The following ENGASE variants were observed in gnomAD, a reference collection of about 807,000 sequenced individuals.
ENGASE encodes cytosolic endo-beta-N-acetylglucosaminidase.
ENGASE carries 69 observed loss-of-function variants against 78.5 expected under a neutral mutation model. The ratio of observed to expected loss-of-function variants is 0.88; its 90% confidence interval spans 0.72 to 1.07. The LOEUF (loss-of-function observed/expected upper bound fraction) is 1.07. Among genes scored for constraint, ENGASE ranks in the 50% least tolerant of loss-of-function variants. ENGASE has a pLI of 0.00. For synonymous variants in ENGASE, 408 were observed against 408.9 expected (o/e 1.00, Z 0.03); for missense variants, 943 against 988.4 (o/e 0.95, Z 0.62).
chr17:79,081,186 A>G (rs2145988894), intron 6 of ENGASE, 113 bp downstream of exon 6: 1 of 1,276,738 alleles, frequency 7.8e-7, no homozygotes, highest in Non-Finnish European at 1.1e-6. Flanking sequence ...GGTGATGCAT[A>G]TATGACTGCA....
chr17:79,082,486 G>T (rs954843682), intron 7 of ENGASE: 145 of 1,204,078 alleles, frequency 1.2e-4, no homozygotes, highest in Non-Finnish European at 1.5e-4. Flanking sequence ...GGATCGGTAG[G>T]TGTCATGACG....
In ENGASE at chr17:79,079,587, C is replaced by T. The variant is rs148385630; in HGVS notation, c.515C>T (p.Pro172Leu). Residue 172 changes from proline (P) to leucine (L), a missense_variant, in exon 4 of 14, where the codon CCC (proline) becomes CTC (leucine). Pro to Leu is a moderately conservative substitution (Grantham distance 98). Transcript: ENST00000579016. Reference sequence around the variant, plus strand: ...TTCAGCCACCACACCGTCACCATTCCCCCAGTGGGCTGGACCAACACTGCC... The same window carrying T: ...TTCAGCCACCACACCGTCACCATTCTCCCAGTGGGCTGGACCAACACTGCC... ...VYFSHHTVTI[P>L]PVGWTNTAHR... The T allele has an allele frequency of 6.2e-7, 1 of 1,613,948 alleles. No individual in the cohort carries two copies. Among genetic ancestry groups the T allele is most frequent in the Non-Finnish European group, 8.5e-7 (1 of 1,180,016 alleles).
Position 79,081,039 on chromosome 17 carries a change from C to G in ENGASE, c.838C>G (p.Leu280Val). 1 of 1,600,832 alleles carries G rather than the reference C, an allele frequency of 6.2e-7. No homozygotes were observed. Among genetic ancestry groups the G allele is most frequent in the South Asian group, 1.1e-5 (1 of 90,800 alleles). The change falls in exon 6 of 14, where the codon CTC becomes GTC. Residue 280 changes from leucine to valine, a missense_variant. Physicochemically the swap from Leu to Val is conservative, Grantham distance 32. Coordinates refer to ENST00000579016, the MANE Select transcript of ENGASE (RefSeq NM_001042573.3). The stretch of plus-strand genomic sequence containing the variant: ...TGACAGCGTGGTGCAAAGTGGGCAG[C>G]TCAAATGGCAAGACGAACTCAACCA... ...WYDSVVQSGQ[L>V]KWQDELNQHN...
In ENGASE at chr17:79,082,322, C is replaced by T. The variant is rs1002891471; in HGVS notation, c.1038+259C>T. The T allele has an allele frequency of 2.7e-5, 37 of 1,360,108 alleles. No individual in the cohort carries two copies. The East Asian group carries it at 1.0e-3, about 38-fold the overall frequency. The allele number at this position is 1,360,108 out of a possible 1,614,324, so 84.3% of individuals were successfully genotyped here. The stretch of plus-strand genomic sequence containing the variant: ...TGTTACCAGACAGAGGCGCGTCGTT[C>T]CCCCGCTGTCCGGTCCTCGGCGGGC... On this transcript the variant is annotated intron_variant, in intron 7 of 13. Coordinates refer to ENST00000579016, the MANE Select transcript of ENGASE (RefSeq NM_001042573.3).
In ENGASE at chr17:79,083,477, G is replaced by C. The variant is rs141595843; in HGVS notation, c.1143-5G>C. On this transcript the variant is annotated splice_polypyrimidine_tract_variant and splice_region_variant and intron_variant, in intron 8 of 13. Transcript: ENST00000579016. This position sits in a 1 kb window ranked among gnomAD's most constrained non-coding sequence, Gnocchi z 4.9. ...ACCGAGCTGTTGCCCCCATGTCTCT[G>C]GCAGGTTCTGGGGCCGACTGGAGCG... is the stretch of plus-strand genomic sequence containing the variant. The C allele has an allele frequency of 2.4e-4, 393 of 1,611,562 alleles. 1 individual carries two copies. The African/African-American group carries it at 4.7e-3, about 19-fold the overall frequency.
In ENGASE at chr17:79,087,115, G is replaced by A. The variant is rs569290086; in HGVS notation, c.*766G>A. 126 of 452,994 alleles carry A rather than the reference G, an allele frequency of 2.8e-4. No individual in the cohort carries two copies. Among genetic ancestry groups the A allele is most frequent in the African/African-American group, 2.2e-3 (109 of 50,120 alleles). 28.1% of individuals were successfully genotyped at this position (452,994 alleles called of 1,614,324 possible). ...AAGTGGCTCTGAGGCAGTCTGCGCT[G>A]TGGCCCTGCCTCTGCCCAGCGAGAG... On this transcript the variant is annotated 3_prime_UTR_variant, in exon 14 of 14. Transcript: ENST00000579016.
chr17:79,081,792 C>T, intron 6 of ENGASE, 106 bp from the exon 7 acceptor site: 2 of 1,271,068 alleles, frequency 1.6e-6, no homozygotes, highest in Non-Finnish European at 2.1e-6. Flanking sequence ...GGGGTGGGCC[C>T]ATCCCTCTGA....
At chr17:79,075,572 G>A in intron 1 of ENGASE, 1 of 451,458 alleles carries the variant, frequency 2.2e-6, no homozygotes, top group Non-Finnish European at 2.9e-6. Context: ...CCAACTGGCG[G>A]GGAACAGAAA....
In ENGASE at chr17:79,083,006, C is replaced by T; in HGVS notation, c.1039-14C>T. 1 of 1,612,670 alleles carries T rather than the reference C, an allele frequency of 6.2e-7. No individual in the cohort carries two copies. The highest frequency in any genetic ancestry group is 8.5e-7 in the Non-Finnish European group (1 of 1,179,136). ...TGGTCCTGATGTGCCCAGCGTCTCC[C>T]TCTGTCTCTTCAGTCGTTGGAGCTG... On this transcript the variant is annotated splice_polypyrimidine_tract_variant and intron_variant, in intron 7 of 13. Coordinates refer to ENST00000579016, the MANE Select transcript of ENGASE (RefSeq NM_001042573.3). The surrounding 1 kb of genome is among the most constrained non-coding windows in gnomAD (Gnocchi z 4.9).
In ENGASE at chr17:79,075,902, G is replaced by A. The variant is rs547972555; in HGVS notation, c.146+812G>A. The A allele has an allele frequency of 2.5e-4, 251 of 985,248 alleles. 1 individual carries two copies. In the African/African-American group the frequency reaches 3.6e-3, roughly 14 times the overall value. 61.0% of individuals were successfully genotyped at this position (985,248 alleles called of 1,614,324 possible). A position where few individuals can be genotyped will look rare whatever the true frequency, so the allele number is the denominator to read the frequency against. On this transcript the variant is annotated intron_variant, in intron 1 of 13. Coordinates refer to ENST00000579016, the MANE Select transcript of ENGASE (RefSeq NM_001042573.3). ...TGACAGGTGACAAAGGTGACCTGGTGTGGGATTGTTCTGAGAAGGTCTGGG... is the reference window on the plus strand; with the variant it reads ...TGACAGGTGACAAAGGTGACCTGGTATGGGATTGTTCTGAGAAGGTCTGGG...
In ENGASE at chr17:79,086,295, G is replaced by A. The variant is rs368960577; in HGVS notation, c.2178G>A (p.Arg726=). 1 of 1,613,472 alleles carries A rather than the reference G, an allele frequency of 6.2e-7. No individual in the cohort carries two copies. Among genetic ancestry groups the A allele is most frequent in the African/African-American group, 1.3e-5 (1 of 74,938 alleles). The change falls in exon 14 of 14, where the codon CGG becomes CGA. Residue 726 remains arginine (R), a synonymous_variant. Coordinates refer to ENST00000579016, the MANE Select transcript of ENGASE (RefSeq NM_001042573.3). ...LVEPVPKEGF[R]VPQAEWGRAV... ...AGCCTGTCCCCAAGGAAGGGTTCCGGGTACCTCAGGCCGAGTGGGGCAGGG... is the reference window on the plus strand; with the variant it reads ...AGCCTGTCCCCAAGGAAGGGTTCCGAGTACCTCAGGCCGAGTGGGGCAGGG...
In ENGASE at chr17:79,079,621, T is replaced by C; in HGVS notation, c.549T>C (p.His183=). 1 of 1,613,532 alleles carries C rather than the reference T, an allele frequency of 6.2e-7. No homozygotes were observed. Among genetic ancestry groups the C allele is most frequent in the Non-Finnish European group, 8.5e-7 (1 of 1,179,904 alleles). ...PVGWTNTAHR[H]GVCVLGTFIT... ...GCTGGACCAACACTGCCCACAGGCA[T>C]GGGGTCTGCGTGCTGGGTAAGAGCC... is the stretch of plus-strand genomic sequence containing the variant. Residue 183 remains histidine, a synonymous_variant, in exon 4 of 14, where the codon CAT becomes CAC. Coordinates refer to ENST00000579016, the MANE Select transcript of ENGASE (RefSeq NM_001042573.3).
Position 79,083,972 on chromosome 17 carries a change from G to A in ENGASE, c.1442+21G>A, listed in dbSNP as rs758310478. On this transcript the variant is annotated intron_variant, in intron 10 of 13. Transcript: ENST00000579016. The surrounding 1 kb of genome is among the most constrained non-coding windows in gnomAD (Gnocchi z 4.9). ...GTGAGGTGGGTGAGTGACGGAGGAC[G>A]GTGGGCCCACCAGCTTCTCCCATCA... 4 of 1,601,712 alleles carry A rather than the reference G, an allele frequency of 2.5e-6. No individual in the cohort carries two copies. The highest frequency in any genetic ancestry group is 3.4e-6 in the Non-Finnish European group (4 of 1,175,174).
rs771296622 is a variant in ENGASE at position 79,085,744 on chromosome 17, C to T, written c.1815+10C>T. 42 of 1,612,476 alleles carry T rather than the reference C, an allele frequency of 2.6e-5. No individual in the cohort carries two copies. Among genetic ancestry groups the T allele is most frequent in the Middle Eastern group, 1.6e-4 (1 of 6,072 alleles). On this transcript the variant is annotated intron_variant, in intron 13 of 13. Transcript: ENST00000579016. The stretch of plus-strand genomic sequence containing the variant: ...GCTTGGAGAGATCCAGGTGATGCTT[C>T]CCAGAGGGGCTCGGGCTGGGCTGGC...
chr17:79,083,005 C>A lies in ENGASE; in HGVS notation c.1039-15C>A, dbSNP rs376610611. 1.1e-4 allele frequency: 174 copies of A among 1,612,576 alleles called. No individual in the cohort carries two copies. Among genetic ancestry groups the A allele is most frequent in the Non-Finnish European group, 1.4e-4 (160 of 1,179,208 alleles). On this transcript the variant is annotated splice_polypyrimidine_tract_variant and intron_variant, in intron 7 of 13. Transcript: ENST00000579016. The surrounding 1 kb of genome is among the most constrained non-coding windows in gnomAD (Gnocchi z 4.9). ...CTGGTCCTGATGTGCCCAGCGTCTC[C>A]CTCTGTCTCTTCAGTCGTTGGAGCT...
rs2072933437 is a variant in ENGASE at position 79,075,033 on chromosome 17, C to CGCAGGAGGA, written c.99_107dup (p.Glu33_Glu35dup). 6.6e-6 allele frequency: 8 copies of CGCAGGAGGA among 1,206,918 alleles called. No homozygotes were observed. Among genetic ancestry groups the CGCAGGAGGA allele is most frequent in the African/African-American group, 1.6e-5 (1 of 63,360 alleles). The allele number at this position is 1,206,918 out of a possible 1,614,324, so 74.8% of individuals were successfully genotyped here. Reference sequence around the variant, plus strand: ...GGGCTGGCGGCCCCGGAGGCGGGGACGCAGGAGGAGCAGGAGGATCAGGAG... The same window carrying CGCAGGAGGA: ...GGGCTGGCGGCCCCGGAGGCGGGGACGCAGGAGGAGCAGGAGGAGCAGGAGGATCAGGAG... On this transcript the variant is annotated inframe_insertion, in exon 1 of 14. Coordinates refer to ENST00000579016, the MANE Select transcript of ENGASE (RefSeq NM_001042573.3).
chr17:79,081,762 GGGGTGGGGT>G, intron 6 of ENGASE, 127 bp from the exon 7 acceptor site: 1 of 994,284 alleles, frequency 1.0e-6, no homozygotes, highest in East Asian at 2.7e-5. Flanking sequence ...GGGGTGGGGT[GGGGTGGGGT>G]GGGGTGGGGT....
intron 10 of ENGASE, chr17:79,084,308 A>C: frequency 2.3e-6 from 1 of 437,516 alleles, no homozygotes. Context: ...TAGATGCCCC[A>C]TATGAGGGAA....
intron 6 of ENGASE, 55 bp downstream of exon 6, chr17:79,081,128 C>A (rs2145988582): frequency 3.0e-6 from 1 of 330,056 alleles, no homozygotes; most frequent in Non-Finnish European, 5.5e-6. Flanking sequence ...GGGGCGGGTA[C>A]TGTGAGGGGT....
Sources: gnomAD v4.1 joint callset for allele counts on GRCh38, gnomAD v4.1.1 for gene constraint, Gnocchi (gnomAD v3.1) non-coding constraint, MANE v1.5 for transcripts, NCBI Gene and HGNC (gene_info 2026-07-23, HGNC 2026-07-21) for gene names.